DNM3: variants seen among roughly 807,000 people sequenced by gnomAD.
The protein encoded by DNM3 is dynamin 3.
A neutral mutation model predicts 101.6 loss-of-function variants in DNM3; 47 were observed. The ratio of observed to expected loss-of-function variants is 0.46; its 90% CI spans 0.37 to 0.59. The LOEUF is 0.59. DNM3 is among the 20% of genes least tolerant of loss of function. DNM3 has a pLI of 0.00. For missense variants in DNM3, 849 were observed against 1,085.7 expected, an observed-to-expected ratio of 0.78 and a Z score of 3.06; for synonymous variants, 385 against 387.9, an observed-to-expected ratio of 0.99 and a Z score of 0.09.
chr1:171,954,532 A>C (rs535383451), intron 2 of DNM3, among the ~76,000 whole-genome samples: 6 of 152,284 alleles, frequency 3.9e-5, no homozygotes, highest in South Asian at 2.1e-4. Flanking sequence ...TCCTCTTAAG[A>C]TAGTAAAGTG....
intron 1 of DNM3, among the ~76,000 whole-genome samples, chr1:171,881,513 G>A (rs17658728): frequency 0.41 from 62,611 of 151,948 alleles, 13,069 homozygotes; most frequent in Non-Finnish European, 0.43. Context: ...ATTTATAGGA[G>A]TGGGAAATTC....
intron 15 of DNM3, among the ~76,000 whole-genome samples, chr1:172,262,164 A>G (rs543207706): frequency 2.6e-5 from 4 of 152,234 alleles, no homozygotes; most frequent in African/African-American, 9.6e-5. Context: ...GGGGCTGGGA[A>G]CATGGGCTTC....
chr1:172,218,777 G>A (rs1356169054), intron 14 of DNM3, among the ~76,000 whole-genome samples: 2 of 152,060 alleles, frequency 1.3e-5, no homozygotes, highest in African/African-American at 2.4e-5. Context: ...GTCAGTAACT[G>A]TTGTCTAAAG....
At chr1:172,047,968 T>A (rs2049938388) in intron 9 of DNM3, among the ~76,000 whole-genome samples, 1 of 152,174 alleles carries the variant, frequency 6.6e-6, no homozygotes, top group African/African-American at 2.4e-5. Context: ...ATTTTTCATT[T>A]TTTATGAATC....
At chr1:172,350,404 CAGAG>C (rs759172928) in intron 17 of DNM3, among the ~76,000 whole-genome samples, 2 of 151,960 alleles carry the variant, frequency 1.3e-5, no homozygotes, top group East Asian at 1.9e-4. Flanking sequence ...CTGATGAACA[CAGAG>C]AGCTGGATTT....
intron 14 of DNM3, among the ~76,000 whole-genome samples, chr1:172,222,449 G>A (rs2060942702): frequency 6.6e-6 from 1 of 152,164 alleles, no homozygotes; most frequent in African/African-American, 2.4e-5. Context: ...AGAAGTTGGT[G>A]AAGAGGCCAA....
chr1:172,379,094 G>A lies in DNM3; in HGVS notation c.1970G>A (p.Arg657His), dbSNP rs573884254. 7.4e-5 allele frequency: 119 copies of A among 1,612,074 alleles called. No homozygotes were observed. The highest frequency in any genetic ancestry group is 1.9e-4 in the South Asian group (17 of 90,924). Residue 657 changes from arginine (R) to histidine (H), a missense_variant, in exon 18 of 21, where the codon CGC becomes CAC. Physicochemically the swap from Arg to His is conservative, Grantham distance 29. Transcript: ENST00000627582. ...PQLERQVETI[R>H]NLVDSYMSII... is the part of the protein sequence containing the mutation. ...TTGGAGAGGCAAGTGGAGACCATTC[G>A]CAACCTCGTAGACTCCTACATGTCC... is the stretch of plus-strand genomic sequence containing the variant.
At chr1:171,916,890 A>G (rs145644413) in intron 1 of DNM3, among the ~76,000 whole-genome samples, 72 of 152,026 alleles carry the variant, frequency 4.7e-4, no homozygotes, top group Middle Eastern at 6.8e-3. Context: ...GTTTTGTGCT[A>G]CTCTGGTCTT....
chr1:172,047,067 C>G (rs145859820), intron 9 of DNM3, among the ~76,000 whole-genome samples: 24 of 152,250 alleles, frequency 1.6e-4, no homozygotes, highest in Admixed American at 8.5e-4. Flanking sequence ...ATAAGACATA[C>G]TCATGGTATG....
At chr1:171,895,648 T>C (rs1308469793) in intron 1 of DNM3, among the ~76,000 whole-genome samples, 1 of 152,162 alleles carries the variant, frequency 6.6e-6, no homozygotes, top group Non-Finnish European at 1.5e-5. Context: ...TTTAATTAGA[T>C]CCCATTTGTC....
chr1:172,220,177 A>G lies in DNM3; in HGVS notation c.1660-33396A>G, dbSNP rs192519571. The stretch of plus-strand genomic sequence containing the variant: ...TGAAGAGAAAGGGTTGTTTGCTTCC[A>G]TACCCATTTTGGCAGCTGTAGCAGC... On this transcript the variant is annotated intron_variant, in intron 14 of 20. Transcript: ENST00000627582. Among the ~76,000 whole-genome samples the G allele has an allele frequency of 4.1e-3, 625 of 152,316 alleles. 11 individuals carry two copies. Among genetic ancestry groups the G allele is most frequent in the African/African-American group, 0.014 (588 of 41,576 alleles).
At chr1:172,145,257 C>CT (rs2057818569) in intron 14 of DNM3, among the ~76,000 whole-genome samples, 1 of 151,882 alleles carries the variant, frequency 6.6e-6, no homozygotes, top group South Asian at 2.1e-4. Flanking sequence ...TCCTGTGGCA[C>CT]TTTATTTTCT....
intron 13 of DNM3, chr1:172,093,608 A>G: frequency 2.5e-6 from 3 of 1,202,168 alleles, no homozygotes; most frequent in East Asian, 2.5e-5. Context: ...TTTTTTTCCC[A>G]TTGTTTTGAA....
chr1:172,038,931 C>T (rs1572205660), intron 7 of DNM3, among the ~76,000 whole-genome samples: 1 of 123,584 alleles, frequency 8.1e-6, no homozygotes, highest in Non-Finnish European at 1.6e-5. Flanking sequence ...AACAATAAGG[C>T]TGTAGTTTTT....
chr1:172,126,990 C>T (rs571166721), intron 13 of DNM3, among the ~76,000 whole-genome samples: 15 of 152,214 alleles, frequency 9.9e-5, no homozygotes, highest in East Asian at 3.9e-4. Context: ...AACACAATTA[C>T]GCTGATTGTG....
intron 12 of DNM3, among the ~76,000 whole-genome samples, chr1:172,092,403 CAAG>C (rs1275626185): frequency 1.3e-5 from 2 of 152,090 alleles, no homozygotes; most frequent in Non-Finnish European, 2.9e-5. Context: ...ATCTATGAAA[CAAG>C]AAGAATAATC....
Position 171,855,559 on chromosome 1 carries a change from A to G in DNM3, c.161+13742A>G, listed in dbSNP as rs371600205. On this transcript the variant is annotated intron_variant, in intron 1 of 20. Transcript: ENST00000627582. ...GCATCTGTTGTTTTTTGACTTTTATATAATAGCCATGCTGACTGGTGTGAG... is the reference window on the plus strand; with the variant it reads ...GCATCTGTTGTTTTTTGACTTTTATGTAATAGCCATGCTGACTGGTGTGAG... Among the ~76,000 whole-genome samples, 14 of 152,316 alleles carry G rather than the reference A, an allele frequency of 9.2e-5. No homozygotes were observed. In the East Asian group the frequency reaches 2.3e-3, roughly 25 times the overall value.
chr1:171,856,433 A>G (rs1263533169), intron 1 of DNM3, among the ~76,000 whole-genome samples: 2 of 152,136 alleles, frequency 1.3e-5, no homozygotes, highest in Non-Finnish European at 1.5e-5. Flanking sequence ...GTTTGATAGG[A>G]ATAATATTGA....
intron 15 of DNM3, among the ~76,000 whole-genome samples, chr1:172,268,463 C>A (rs992974254): frequency 6.6e-6 from 1 of 151,900 alleles, no homozygotes; most frequent in African/African-American, 2.4e-5. Context: ...CATCTTTTTC[C>A]TTTAAGAGTG....
Sources: allele counts gnomAD v4.1 joint callset (sites outside exome capture counted in the v4.1 genomes callset), GRCh38; gene constraint gnomAD v4.1.1; transcripts MANE v1.5; gene names NCBI Gene and HGNC (gene_info 2026-07-23, HGNC 2026-07-21).